Variants in NEK1 observed in about 807,000 individuals in gnomAD.
NEK1 encodes NIMA related kinase 1, also known as serine/threonine-protein kinase Nek1.
NEK1 carries 137 observed loss-of-function variants against 182.1 expected under a neutral mutation model. The observed-to-expected ratio is 0.75, with a 90% confidence interval of 0.65 to 0.87. NEK1 has a LOEUF of 0.87. Ranked by LOEUF, NEK1 falls within the 40% of genes least tolerant of loss-of-function variation. The pLI is 0.00. For synonymous variants in NEK1, 513 were observed against 492.2 expected (o/e 1.04, Z -0.56); for missense variants, 1,391 against 1,494.4 (o/e 0.93, Z 1.14).
Position 169,580,794 on chromosome 4 carries a change from G to T in NEK1, c.868+48C>A, listed in dbSNP as rs1222763381. 5.5e-6 allele frequency: 6 copies of T among 1,098,234 alleles called. No individual in the cohort carries two copies. The South Asian group carries it at 6.8e-5, about 12-fold the overall frequency. The allele number at this position is 1,098,234 out of a possible 1,614,324, so 68.0% of individuals were successfully genotyped here. On this transcript the variant is annotated intron_variant, in intron 11 of 35. Transcript: ENST00000507142. ...TACATATATTTCCAGTTTAATTAGGGTTGATTATTGCAAACAGATGAAAGG... is the reference window on the plus strand; with the variant it reads ...TACATATATTTCCAGTTTAATTAGGTTTGATTATTGCAAACAGATGAAAGG...
chr4:169,539,438 T>C (rs1175588136), intron 18 of NEK1, among the ~76,000 whole-genome samples: 2 of 152,168 alleles, frequency 1.3e-5, no homozygotes, highest in Non-Finnish European at 2.9e-5. Context: ...TAATAAGGTA[T>C]ATCTGGTCAG....
chr4:169,524,082 G>C (rs1756515058), intron 19 of NEK1, among the ~76,000 whole-genome samples: 1 of 152,108 alleles, frequency 6.6e-6, no homozygotes, highest in Non-Finnish European at 1.5e-5. Flanking sequence ...ATGTGTACCA[G>C]GATATATCTA....
intron 12 of NEK1, among the ~76,000 whole-genome samples, chr4:169,564,560 C>T (rs769505310): frequency 6.6e-6 from 1 of 151,802 alleles, no homozygotes; most frequent in Non-Finnish European, 1.5e-5. Flanking sequence ...TAAACATGAC[C>T]CTCACATCAT....
chr4:169,528,681 T>C (rs548749265), intron 19 of NEK1, among the ~76,000 whole-genome samples: 1 of 152,170 alleles, frequency 6.6e-6, no homozygotes, highest in African/African-American at 2.4e-5. Context: ...AACAGACAAA[T>C]CCACAATTAT....
chr4:169,500,294 C>G (rs978137844), intron 23 of NEK1, among the ~76,000 whole-genome samples: 1 of 152,184 alleles, frequency 6.6e-6, no homozygotes, highest in African/African-American at 2.4e-5. Flanking sequence ...CAGGTGCCGT[C>G]TGTCACCCCT....
chr4:169,555,956 A>G lies in NEK1; in HGVS notation c.1406T>C (p.Ile469Thr). The change falls in exon 17 of 36, where the codon ATA becomes ACA. Residue 469 changes from isoleucine to threonine, a missense_variant. Transcript: ENST00000507142. ...CCTTTCTGGAAGACCTCGACCATATATTTCTCTTTTCCATTTAGCTTCATT... is the reference window on the plus strand; with the variant it reads ...CCTTTCTGGAAGACCTCGACCATATGTTTCTCTTTTCCATTTAGCTTCATT... ...EDNEAKWKRE[I>T]YGRGLPERGI... 6.2e-7 allele frequency: 1 copy of G among 1,613,634 alleles called. No homozygotes were observed. The highest frequency in any genetic ancestry group is 8.5e-7 in the Non-Finnish European group (1 of 1,179,772).
At chr4:169,586,565 A>G (rs1182553331) in intron 9 of NEK1, among the ~76,000 whole-genome samples, 2 of 152,114 alleles carry the variant, frequency 1.3e-5, no homozygotes, top group African/African-American at 4.8e-5. Context: ...TGACAGAACA[A>G]TGTAGTTGCA....
chr4:169,403,219 G>T (rs147759848), intron 32 of NEK1, among the ~76,000 whole-genome samples: 3 of 152,232 alleles, frequency 2.0e-5, no homozygotes, highest in African/African-American at 7.2e-5. Flanking sequence ...TGAGAAAATA[G>T]TGTCTAATCT....
intron 19 of NEK1, among the ~76,000 whole-genome samples, chr4:169,513,691 C>A (rs926228599): frequency 6.6e-6 from 1 of 152,130 alleles, no homozygotes; most frequent in African/African-American, 2.4e-5. Context: ...ATATTAGATG[C>A]AGGGTTTTTG....
chr4:169,451,600 C>A (rs753432512), intron 27 of NEK1, among the ~76,000 whole-genome samples: 1 of 152,148 alleles, frequency 6.6e-6, no homozygotes, highest in Non-Finnish European at 1.5e-5. Context: ...AGAACAAAGA[C>A]ACAACATACC....
chr4:169,575,906 C>T (rs1162320783), intron 12 of NEK1, among the ~76,000 whole-genome samples: 1 of 151,478 alleles, frequency 6.6e-6, no homozygotes. Context: ...TTACTGCATG[C>T]TTTAAAAAAA....
At chr4:169,411,967 CACAA>C (rs1733753503) in intron 31 of NEK1, among the ~76,000 whole-genome samples, 1 of 152,136 alleles carries the variant, frequency 6.6e-6, no homozygotes, top group African/African-American at 2.4e-5. Context: ...GGCTCATGTA[CACAA>C]ACTTTCTTCA....
At chr4:169,598,755 T>G (rs1194858069) in intron 5 of NEK1, among the ~76,000 whole-genome samples, 1 of 152,180 alleles carries the variant, frequency 6.6e-6, no homozygotes, top group Non-Finnish European at 1.5e-5. Flanking sequence ...TGGAGTTACC[T>G]GGCAAAGCCA....
chr4:169,501,684 A>T (rs28886868), intron 23 of NEK1, among the ~76,000 whole-genome samples: 266 of 152,292 alleles, frequency 1.7e-3, no homozygotes, highest in African/African-American at 4.8e-3. Context: ...GCAGATATTT[A>T]AAAAAATTTT....
chr4:169,481,489 G>A (rs1001755025), intron 23 of NEK1, among the ~76,000 whole-genome samples: 8 of 152,200 alleles, frequency 5.3e-5, no homozygotes, highest in African/African-American at 1.4e-4. Context: ...AATGGATGTC[G>A]TGTTAGCAGG....
At chr4:169,536,054 G>A (rs573137139) in intron 19 of NEK1, among the ~76,000 whole-genome samples, 26 of 151,576 alleles carry the variant, frequency 1.7e-4, no homozygotes, top group Admixed American at 9.2e-4. Context: ...CAGCACTTTC[G>A]GAGGCCAAGG....
chr4:169,407,393 A>T (rs1269003747), intron 31 of NEK1, among the ~76,000 whole-genome samples: 1 of 152,194 alleles, frequency 6.6e-6, no homozygotes, highest in African/African-American at 2.4e-5. Flanking sequence ...GTGCAGAGAG[A>T]AGCCTATCAG....
chr4:169,416,205 T>A (rs1734519567), intron 31 of NEK1, among the ~76,000 whole-genome samples: 1 of 152,224 alleles, frequency 6.6e-6, no homozygotes, highest in Non-Finnish European at 1.5e-5. Flanking sequence ...TCATGACAGT[T>A]AATTTTGCTT....
At chr4:169,591,087 A>C (rs562451794) in intron 5 of NEK1, among the ~76,000 whole-genome samples, 6 of 152,212 alleles carry the variant, frequency 3.9e-5, no homozygotes, top group Admixed American at 3.3e-4. Context: ...TATATTTTAT[A>C]ATATTAAGAC....
Sources: allele counts gnomAD v4.1 joint callset (sites outside exome capture counted in the v4.1 genomes callset), GRCh38; gene constraint gnomAD v4.1.1; transcripts MANE v1.5; gene names NCBI Gene and HGNC (gene_info 2026-07-23, HGNC 2026-07-21).